Variants in TDRP observed in about 807,000 individuals in gnomAD.
TDRP encodes testis development related protein.
TDRP carries 12 observed loss-of-function variants against 10.5 expected under a neutral mutation model. The observed-to-expected ratio is 1.15, with a 90% confidence interval of 0.73 to 1.86. TDRP has a LOEUF of 1.86. TDRP is among the 40% of genes most tolerant of loss of function. The pLI is 0.00. For synonymous variants in TDRP, 139 were observed against 95.4 expected (o/e 1.46, Z -2.67); for missense variants, 353 against 229.2 (o/e 1.54, Z -3.49).
chr8:541,660 C>G (rs1376175383), intron 1 of TDRP, among the ~76,000 whole-genome samples: 2 of 152,192 alleles, frequency 1.3e-5, no homozygotes, highest in African/African-American at 2.4e-5. Context: ...TGAAAAGATG[C>G]TCATGTCATT....
At chr8:506,255 T>C (rs1468629790) in intron 1 of TDRP, among the ~76,000 whole-genome samples, 1 of 152,154 alleles carries the variant, frequency 6.6e-6, no homozygotes, top group East Asian at 1.9e-4. Context: ...TTCATGAAAA[T>C]TCTTAAACAT....
chr8:540,841 A>G (rs1383879125), intron 1 of TDRP, among the ~76,000 whole-genome samples: 1 of 147,710 alleles, frequency 6.8e-6, no homozygotes, highest in African/African-American at 2.5e-5. Flanking sequence ...GTGTAACCTG[A>G]TGTTCAAGAA....
chr8:537,773 A>T (rs1563133450), intron 1 of TDRP, among the ~76,000 whole-genome samples: 1 of 152,182 alleles, frequency 6.6e-6, no homozygotes, highest in East Asian at 1.9e-4. Flanking sequence ...TTCAGCTGTC[A>T]CCTGACTCCA....
intron 1 of TDRP, among the ~76,000 whole-genome samples, chr8:530,991 G>A (rs1012739311): frequency 1.9e-4 from 29 of 152,096 alleles, no homozygotes. Flanking sequence ...GGCATCCAAA[G>A]TATGCCAGTT....
chr8:514,571 T>G (rs6990438), intron 1 of TDRP, among the ~76,000 whole-genome samples: 2 of 151,924 alleles, frequency 1.3e-5, no homozygotes, highest in Non-Finnish European at 2.9e-5. Context: ...CAGAAACACA[T>G]GACCTTAGCT....
intron 1 of TDRP, among the ~76,000 whole-genome samples, chr8:508,137 T>A (rs569599891): frequency 6.6e-6 from 1 of 152,272 alleles, no homozygotes; most frequent in Admixed American, 6.5e-5. Context: ...ACGGCAATGT[T>A]GCATCAAAGA....
chr8:538,821 T>TC (rs1563133830), intron 1 of TDRP, among the ~76,000 whole-genome samples: 3 of 152,102 alleles, frequency 2.0e-5, no homozygotes, highest in African/African-American at 7.2e-5. Flanking sequence ...ATGCAACTTT[T>TC]CCCCCCATCA....
chr8:526,660 C>G (rs554015977), intron 1 of TDRP, among the ~76,000 whole-genome samples: 5 of 152,188 alleles, frequency 3.3e-5, no homozygotes, highest in African/African-American at 1.2e-4. Context: ...CTGTGGTTTT[C>G]TCTTTTTGGT....
rs558884395 is a variant in TDRP at position 520,117 on chromosome 8, A to C, written c.108+24533T>G. On this transcript the variant is annotated intron_variant, in intron 1 of 2. Transcript: ENST00000324079. The stretch of plus-strand genomic sequence containing the variant: ...ATCCTGTGGTTGGGGAGAAAAGTGG[A>C]AAGAAAACATTTTAAAACACGGTTT... 3.3e-5 allele frequency among the ~76,000 whole-genome samples: 5 copies of C among 152,342 alleles called. No individual in the cohort carries two copies. The South Asian group carries it at 1.0e-3, about 32-fold the overall frequency.
chr8:497,103 T>C (rs886276529), intron 1 of TDRP, among the ~76,000 whole-genome samples: 1 of 152,174 alleles, frequency 6.6e-6, no homozygotes, highest in African/African-American at 2.4e-5. Context: ...GGTACTGCTA[T>C]AAAGATACCT....
rs565835829 is a variant in TDRP at position 503,209 on chromosome 8, G to A, written c.109-8612C>T. ...AACACGCACCAACACAGAATCCACA[G>A]CCACACACTGGAAGCAATGCCCACC... On this transcript the variant is annotated intron_variant, in intron 1 of 2. Coordinates refer to ENST00000324079, the MANE Select transcript of TDRP (RefSeq NM_001384899.1). Among the ~76,000 whole-genome samples the A allele has an allele frequency of 2.6e-5, 4 of 151,716 alleles. No homozygotes were observed. In the South Asian group the frequency reaches 8.3e-4, roughly 32 times the overall value.
At chr8:506,470 C>T (rs1192701948) in intron 1 of TDRP, among the ~76,000 whole-genome samples, 1 of 152,158 alleles carries the variant, frequency 6.6e-6, no homozygotes, top group Non-Finnish European at 1.5e-5. Flanking sequence ...TGACACTAAG[C>T]CGCAGCTGAA....
intron 1 of TDRP, among the ~76,000 whole-genome samples, chr8:514,054 T>C (rs890629910): frequency 2.0e-5 from 3 of 152,170 alleles, no homozygotes; most frequent in African/African-American, 4.8e-5. Flanking sequence ...GAAACCCCTA[T>C]CACAATACCA....
At chr8:505,916 T>C (rs1308332743) in intron 1 of TDRP, among the ~76,000 whole-genome samples, 2 of 152,130 alleles carry the variant, frequency 1.3e-5, no homozygotes, top group Non-Finnish European at 2.9e-5. Flanking sequence ...AGATATCAAC[T>C]TGCTAGCTTC....
chr8:509,836 G>A (rs144832378), intron 1 of TDRP, among the ~76,000 whole-genome samples: 280 of 152,192 alleles, frequency 1.8e-3, no homozygotes, highest in East Asian at 0.011. Context: ...AAACTTTGAC[G>A]CCTGTTTCCC....
At chr8:523,733 G>C (rs998476958) in intron 1 of TDRP, among the ~76,000 whole-genome samples, 2 of 152,192 alleles carry the variant, frequency 1.3e-5, no homozygotes, top group African/African-American at 4.8e-5. Flanking sequence ...GGAGGGAAGA[G>C]TGGGAAGGAC....
chr8:540,504 T>C (rs1201814106), intron 1 of TDRP, among the ~76,000 whole-genome samples: 1 of 152,222 alleles, frequency 6.6e-6, no homozygotes, highest in Non-Finnish European at 1.5e-5. Context: ...ACAAATATTT[T>C]ACCATATGCA....
rs1801002490 is a variant in TDRP, at chr8:492,376, G to A, written c.*23C>T. The A allele has an allele frequency of 1.4e-6, 2 of 1,479,544 alleles. No homozygotes were observed. Among genetic ancestry groups the A allele is most frequent in the East Asian group, 2.4e-5 (1 of 41,776 alleles). The allele number at this position is 1,479,544 out of a possible 1,614,324, so 91.7% of individuals were successfully genotyped here. On this transcript the variant is annotated 3_prime_UTR_variant, in exon 3 of 3. Transcript: ENST00000324079. The stretch of plus-strand genomic sequence containing the variant: ...ACTCATAAAAGGCCACCATGTCGGG[G>A]CACACTTGCCACGCAGCCCCCCTCA...
chr8:496,165 G>T (rs1358970107), intron 1 of TDRP, among the ~76,000 whole-genome samples: 1 of 152,118 alleles, frequency 6.6e-6, no homozygotes, highest in Non-Finnish European at 1.5e-5. Context: ...TGAGCATCAG[G>T]TATCAGCTTT....
Sources: allele counts gnomAD v4.1 joint callset (sites outside exome capture counted in the v4.1 genomes callset), GRCh38; gene constraint gnomAD v4.1.1; transcripts MANE v1.5; gene names NCBI Gene and HGNC (gene_info 2026-07-23, HGNC 2026-07-21).